Variants in MTR observed in about 807,000 individuals in gnomAD.
The protein encoded by MTR is methionine synthase.
In MTR, 84 loss-of-function variants were observed where a neutral mutation model predicts 154.8. The observed-to-expected ratio is 0.54, with a 90% CI of 0.45 to 0.65. The LOEUF (loss-of-function observed/expected upper bound fraction) is 0.65. Among genes scored for constraint, MTR ranks in the 30% least tolerant of loss-of-function variants. MTR has a pLI of 0.00. For synonymous variants in MTR, 554 were observed against 553.9 expected, an observed-to-expected ratio of 1.00 and a Z score of 0.00; for missense variants, 1,275 against 1,570.2, an observed-to-expected ratio of 0.81 and a Z score of 3.18.
At position 236,835,656 on chromosome 1, in the gene MTR, A is replaced by G. The variant is rs1197384348; in HGVS notation, c.1298A>G (p.Asn433Ser). The G allele has an allele frequency of 6.2e-7, 1 of 1,611,930 alleles. No homozygotes were observed. The highest frequency in any genetic ancestry group is 1.1e-5 in the South Asian group (1 of 90,882). Reference protein sequence around the residue: ...DGPSAMTRFCNLIASEPDIAK... With the variant: ...DGPSAMTRFCSLIASEPDIAK... The stretch of plus-strand genomic sequence containing the variant: ...CCAAGTGCAATGACCAGATTTTGCA[A>G]CTTAATTGCTTCCGAGCCAGACATC... Residue 433 changes from asparagine to serine, a missense_variant, in exon 14 of 33, where the codon AAC (asparagine) becomes AGC (serine). Asn to Ser is a conservative substitution (Grantham distance 46). Transcript: ENST00000366577.
In MTR at chr1:236,863,503, A is replaced by C; in HGVS notation, c.2354A>C (p.His785Pro). 6.2e-7 allele frequency: 1 copy of C among 1,614,100 alleles called. No homozygotes were observed. Among genetic ancestry groups the C allele is most frequent in the Non-Finnish European group, 8.5e-7 (1 of 1,179,972 alleles). ...CTGGCCACTGTTAAAGGCGACGTGC[A>C]CGACATAGGCAAGAACATAGTTGGA... ...IVLATVKGDV[H>P]DIGKNIVGVV... Residue 785 changes from histidine (H) to proline (P), a missense_variant, in exon 22 of 33, where the codon CAC becomes CCC. His to Pro is a moderately conservative substitution (Grantham distance 77, BLOSUM62 -2). Coordinates refer to ENST00000366577, the MANE Select transcript of MTR (RefSeq NM_000254.3).
At chr1:236,884,568 C>T (rs1389973638) in intron 25 of MTR, among the ~76,000 whole-genome samples, 1 of 152,144 alleles carries the variant, frequency 6.6e-6, no homozygotes, top group African/African-American at 2.4e-5. Flanking sequence ...GGAGTCATCT[C>T]CCCCATAGAG....
chr1:236,886,366 A>G lies in MTR; in HGVS notation c.2850A>G (p.Pro950=). 6.2e-7 allele frequency: 1 copy of G among 1,614,090 alleles called. No individual in the cohort carries two copies. The highest frequency in any genetic ancestry group is 8.5e-7 in the Non-Finnish European group (1 of 1,179,940). ...TGGATTGGCTGTCTGAACCTCACCCAGGTCTGTTTGGCTATGGACTAGAGA... is the reference window on the plus strand; with the variant it reads ...TGGATTGGCTGTCTGAACCTCACCCGGGTCTGTTTGGCTATGGACTAGAGA... ...FQMDWLSEPH[P]VKPTFIGTQV... is the part of the protein sequence containing the mutation. Residue 950 remains proline, a splice_region_variant and synonymous_variant, in exon 27 of 33, where the codon CCA becomes CCG. Coordinates refer to ENST00000366577, the MANE Select transcript of MTR (RefSeq NM_000254.3).
intron 1 of MTR, among the ~76,000 whole-genome samples, chr1:236,797,806 A>G (rs1202383221): frequency 3.3e-5 from 5 of 152,016 alleles, no homozygotes; most frequent in Admixed American, 3.3e-4. Flanking sequence ...TAAAAATACA[A>G]AAATTAGCTG....
intron 11 of MTR, among the ~76,000 whole-genome samples, chr1:236,828,142 T>C (rs1662402673): frequency 1.3e-5 from 2 of 152,162 alleles, no homozygotes. Flanking sequence ...CATGCCCGGC[T>C]AATTTTTTGT....
At chr1:236,876,197 A>G (rs1665422851) in intron 24 of MTR, among the ~76,000 whole-genome samples, 1 of 152,268 alleles carries the variant, frequency 6.6e-6, no homozygotes, top group South Asian at 2.1e-4. Flanking sequence ...GAAATTAACC[A>G]TCATACCATT....
chr1:236,861,279 T>A lies in MTR; in HGVS notation c.2196+2T>A. On this transcript the variant is annotated splice_donor_variant, in intron 20 of 32. Transcript: ENST00000366577. LOFTEE classifies it high-confidence loss of function. ...GCTGGAAAAATGTTTCTACCTCAGG[T>A]TAGCAAAATATGGGGAGAAATTTTC... is the stretch of plus-strand genomic sequence containing the variant. The A allele has an allele frequency of 6.2e-7, 1 of 1,613,866 alleles. No homozygotes were observed. The highest frequency in any genetic ancestry group is 2.2e-5 in the East Asian group (1 of 44,832).
intron 24 of MTR, among the ~76,000 whole-genome samples, chr1:236,875,124 A>G (rs1326840877): frequency 2.0e-5 from 3 of 152,218 alleles, no homozygotes; most frequent in Non-Finnish European, 4.4e-5. Flanking sequence ...CTTGCGATTC[A>G]GTTCCTGAGA....
In MTR at chr1:236,897,035, G is replaced by A; in HGVS notation, c.3628G>A (p.Ala1210Thr). ...TAGGTTAACAGAATCATTAGCAATG[G>A]CACCTGCTTCAGCAGTCTCAGGCCT... ...GIRLTESLAM[A>T]PASAVSGLYF... is the part of the protein sequence containing the mutation. The change falls in exon 32 of 33, where the codon GCA becomes ACA. Residue 1210 changes from alanine (A) to threonine (T), a missense_variant. By Grantham distance (58) the Ala-to-Thr change is moderately conservative. Coordinates refer to ENST00000366577, the MANE Select transcript of MTR (RefSeq NM_000254.3). The A allele has an allele frequency of 6.2e-7, 1 of 1,614,042 alleles. No homozygotes were observed. The highest frequency in any genetic ancestry group is 8.5e-7 in the Non-Finnish European group (1 of 1,179,940).
chr1:236,818,311 A>AATG (rs1328771183), intron 8 of MTR, among the ~76,000 whole-genome samples: 1 of 149,982 alleles, frequency 6.7e-6, no homozygotes, highest in African/African-American at 2.4e-5. Context: ...TCTTAATAAT[A>AATG]ATGATATAGT....
Position 236,795,753 on chromosome 1 carries a change from C to T in MTR, c.34+16C>T. The T allele has an allele frequency of 6.2e-7, 1 of 1,614,132 alleles. No individual in the cohort carries two copies. Among genetic ancestry groups the T allele is most frequent in the South Asian group, 1.1e-5 (1 of 91,084 alleles). On this transcript the variant is annotated intron_variant, in intron 1 of 32. Coordinates refer to ENST00000366577, the MANE Select transcript of MTR (RefSeq NM_000254.3). ...TCGCAACCCGGTAACGCTGCGACCC[C>T]GTCTGCGTGGTTGGGTTGTGTTTCT...
At chr1:236,891,371 G>A (rs766417523) in intron 29 of MTR, 42 bp downstream of exon 29, 12 of 1,580,620 alleles carry the variant, frequency 7.6e-6, no homozygotes, top group Non-Finnish European at 1.0e-5. Context: ...GCTTTCGCTT[G>A]TGAGTTTAAG....
chr1:236,888,427 C>G (rs564622781), intron 27 of MTR, among the ~76,000 whole-genome samples: 1 of 152,202 alleles, frequency 6.6e-6, no homozygotes, highest in Non-Finnish European at 1.5e-5. Context: ...GTATTTTAGA[C>G]TCACCAGGAG....
chr1:236,797,962 A>AC (rs1660492230), intron 1 of MTR, among the ~76,000 whole-genome samples: 1 of 148,652 alleles, frequency 6.7e-6, no homozygotes. Context: ...AGTCTCCAAA[A>AC]AAAAACAAAA....
At chr1:236,870,739 T>G (rs572511111) in intron 22 of MTR, among the ~76,000 whole-genome samples, 1 of 152,320 alleles carries the variant, frequency 6.6e-6, no homozygotes, top group Non-Finnish European at 1.5e-5. Context: ...TCCATTTGGA[T>G]ATCTAAAGAA....
intron 12 of MTR, among the ~76,000 whole-genome samples, chr1:236,829,676 T>A (rs1037706007): frequency 5.3e-5 from 8 of 152,332 alleles, no homozygotes; most frequent in African/African-American, 1.9e-4. Context: ...TAGAAAATTG[T>A]TTCTAAAATA....
rs1324468065 is a variant in MTR, at chr1:236,825,336, A to C, written c.866-2A>C. ...AATAATGGTTGAATTATCCTTTCTC[A>C]GGTCTTCCCAACACCTTTGGTGACT... is the stretch of plus-strand genomic sequence containing the variant. On this transcript the variant is annotated splice_acceptor_variant, in intron 9 of 32. Coordinates refer to ENST00000366577, the MANE Select transcript of MTR (RefSeq NM_000254.3). LOFTEE classifies it high-confidence loss of function. 1.1e-5 allele frequency: 17 copies of C among 1,611,966 alleles called. No individual in the cohort carries two copies. Among genetic ancestry groups the C allele is most frequent in the Non-Finnish European group, 1.4e-5 (16 of 1,178,140 alleles).
At chr1:236,817,773 T>C (rs1022346613) in intron 8 of MTR, among the ~76,000 whole-genome samples, 2 of 152,242 alleles carry the variant, frequency 1.3e-5, no homozygotes, top group Non-Finnish European at 2.9e-5. Context: ...TAATGTCATA[T>C]TGTGATTTCT....
chr1:236,872,531 ATAGAT>A (rs1665193642), intron 22 of MTR, among the ~76,000 whole-genome samples: 1 of 152,098 alleles, frequency 6.6e-6, no homozygotes, highest in Admixed American at 6.5e-5. Context: ...ATTGGCCTAA[ATAGAT>A]AAGATAATGG....
Sources: gnomAD v4.1 joint callset for allele counts (sites outside exome capture counted in the v4.1 genomes callset) on GRCh38, gnomAD v4.1.1 for gene constraint, MANE v1.5 for transcripts, NCBI Gene and HGNC (gene_info 2026-07-23, HGNC 2026-07-21) for gene names.